ZNF423: variants seen among roughly 807,000 people sequenced by gnomAD.
ZNF423 encodes the protein zinc finger protein 423, also known as Ebf-associated zinc finger protein.
In ZNF423, 12 loss-of-function variants were observed where a neutral mutation model predicts 95.8. The ratio of observed to expected loss-of-function variants is 0.13; its 90% confidence interval spans 0.08 to 0.20. The LOEUF is 0.20. Among genes scored for constraint, ZNF423 ranks in the 10% least tolerant of loss-of-function variants. The pLI is 1.00. For missense variants in ZNF423, 1,316 were observed against 1,737.1 expected (o/e 0.76, Z 4.31); for synonymous variants, 749 against 711.9 (o/e 1.05, Z -0.83).
intron 3 of ZNF423, among the ~76,000 whole-genome samples, chr16:49,657,948 C>T (rs1420235): frequency 0.15 from 22,326 of 152,230 alleles, 1,925 homozygotes; most frequent in Non-Finnish European, 0.19. Flanking sequence ...GAGAGGCCAC[C>T]GTCAGGGTCT....
At chr16:49,822,771 G>C (rs2034960593) in intron 1 of ZNF423, 2 of 1,558,264 alleles carry the variant, frequency 1.3e-6, no homozygotes, top group African/African-American at 2.7e-5. Context: ...TCTTATTGCA[G>C]GCTAGTAAGC....
At chr16:49,724,233 G>A (rs2032945305) in intron 3 of ZNF423, among the ~76,000 whole-genome samples, 1 of 152,146 alleles carries the variant, frequency 6.6e-6, no homozygotes, top group African/African-American at 2.4e-5. Flanking sequence ...TTCTTACTGG[G>A]TTTGCTCCCT....
rs1180227047 is a variant in ZNF423 at position 49,720,830 on chromosome 16, C to T, written c.301+9941G>A. 5.9e-5 allele frequency among the ~76,000 whole-genome samples: 9 copies of T among 152,342 alleles called. No homozygotes were observed. In the East Asian group the frequency reaches 7.7e-4, roughly 13 times the overall value. On this transcript the variant is annotated intron_variant, in intron 3 of 7. Transcript: ENST00000563137. Reference sequence around the variant, plus strand: ...GGGGAGCCCCTCCCCAGCTCTCAGGCCCAGTGGTCTGCATGGAGCTGCCCT... The same window carrying T: ...GGGGAGCCCCTCCCCAGCTCTCAGGTCCAGTGGTCTGCATGGAGCTGCCCT...
At chr16:49,501,373 T>G (rs1053868229) in intron 7 of ZNF423, among the ~76,000 whole-genome samples, 1 of 152,176 alleles carries the variant, frequency 6.6e-6, no homozygotes, top group Admixed American at 6.5e-5. Context: ...AACTGGAAAT[T>G]TAGATTTGTT....
chr16:49,676,980 G>A (rs142491267), intron 3 of ZNF423, among the ~76,000 whole-genome samples: 7,869 of 152,008 alleles, frequency 0.052, 265 homozygotes, highest in Middle Eastern at 0.11. Flanking sequence ...CACTTTGGGA[G>A]GCCGAGGTGG....
At chr16:49,513,740 A>G (rs1567435061) in intron 7 of ZNF423, among the ~76,000 whole-genome samples, 1 of 152,132 alleles carries the variant, frequency 6.6e-6, no homozygotes, top group Non-Finnish European at 1.5e-5. Flanking sequence ...AGTTTGGTGT[A>G]GACGTAGTGA....
chr16:49,656,404 G>A (rs1429335284), intron 3 of ZNF423, among the ~76,000 whole-genome samples: 2 of 151,952 alleles, frequency 1.3e-5, no homozygotes, highest in African/African-American at 2.4e-5. Context: ...CCAATTACTC[G>A]GGAGGCTAAG....
chr16:49,845,089 G>C (rs2144106982), intron 1 of ZNF423, among the ~76,000 whole-genome samples: 1 of 136,972 alleles, frequency 7.3e-6, no homozygotes, highest in South Asian at 2.3e-4. Context: ...TAATGACCCA[G>C]AAGATTGAGG....
chr16:49,744,372 C>T (rs1361898308), intron 2 of ZNF423, among the ~76,000 whole-genome samples: 3 of 151,808 alleles, frequency 2.0e-5, no homozygotes, highest in Admixed American at 6.6e-5. Context: ...GTCCCCAGGC[C>T]GAGCACACAC....
At chr16:49,598,410 CATT>C (rs1971250423) in intron 5 of ZNF423, among the ~76,000 whole-genome samples, 1 of 152,260 alleles carries the variant, frequency 6.6e-6, no homozygotes, top group African/African-American at 2.4e-5. Context: ...CTTTTACCAT[CATT>C]ATCATTTTTG....
At chr16:49,583,475 T>A (rs937495008) in intron 5 of ZNF423, among the ~76,000 whole-genome samples, 2 of 152,352 alleles carry the variant, frequency 1.3e-5, no homozygotes, top group South Asian at 4.1e-4. Flanking sequence ...AACAAATACA[T>A]GTGCGCAAAA....
At chr16:49,729,681 TTA>T (rs869267571) in intron 3 of ZNF423, among the ~76,000 whole-genome samples, 1 of 146,336 alleles carries the variant, frequency 6.8e-6, no homozygotes, top group Non-Finnish European at 1.5e-5. Flanking sequence ...ATTATTATTA[TTA>T]TTTTAAAAAT....
At chr16:49,608,135 C>T (rs943944760) in intron 5 of ZNF423, among the ~76,000 whole-genome samples, 16 of 152,346 alleles carry the variant, frequency 1.1e-4, no homozygotes, top group African/African-American at 3.8e-4. Context: ...GGTGGGACCC[C>T]ACCCCAGCCT....
chr16:49,662,099 A>G (rs887123316), intron 3 of ZNF423, among the ~76,000 whole-genome samples: 1 of 151,738 alleles, frequency 6.6e-6, no homozygotes, highest in Non-Finnish European at 1.5e-5. Context: ...CCCTTGGGGA[A>G]CTCCACCCCC....
chr16:49,673,073 G>A (rs1026240461), intron 3 of ZNF423, among the ~76,000 whole-genome samples: 12 of 152,102 alleles, frequency 7.9e-5, no homozygotes, highest in African/African-American at 2.7e-4. Context: ...TCACCACCCC[G>A]CCGTGGTACA....
At chr16:49,747,092 C>T (rs2143539946) in intron 2 of ZNF423, among the ~76,000 whole-genome samples, 1 of 152,276 alleles carries the variant, frequency 6.6e-6, no homozygotes, top group Middle Eastern at 3.4e-3. Context: ...TCACTGCCCA[C>T]AGAAGCTTAT....
chr16:49,852,171 C>T (rs369522877), intron 1 of ZNF423, among the ~76,000 whole-genome samples: 2 of 151,870 alleles, frequency 1.3e-5, no homozygotes, highest in African/African-American at 2.4e-5. Flanking sequence ...AGGAGCTACA[C>T]GCTGGCAGAA....
At chr16:49,609,679 AGAGTTTCAGGGGCCAGTGGGACT>A (rs1567501636) in intron 5 of ZNF423, among the ~76,000 whole-genome samples, 1 of 152,148 alleles carries the variant, frequency 6.6e-6, no homozygotes, top group Admixed American at 6.5e-5. Flanking sequence ...AAAATCACCC[AGAGTTTCAGGGGCCAGTGGGACT>A]ATAACATTTT....
At chr16:49,671,260 G>T (rs1248089306) in intron 3 of ZNF423, among the ~76,000 whole-genome samples, 1 of 152,200 alleles carries the variant, frequency 6.6e-6, no homozygotes, top group South Asian at 2.1e-4. Context: ...GGCAGTGAGG[G>T]TAAGGGACGA....
Sources: gnomAD v4.1 joint callset for allele counts (sites outside exome capture counted in the v4.1 genomes callset) on GRCh38, gnomAD v4.1.1 for gene constraint, MANE v1.5 for transcripts, NCBI Gene and HGNC (gene_info 2026-07-23, HGNC 2026-07-21) for gene names.